The following FUT9 variants were observed in gnomAD, a reference collection of about 807,000 sequenced individuals.
The protein encoded by FUT9 is fucosyltransferase 9, also known as 4-galactosyl-N-acetylglucosaminide 3-alpha-L-fucosyltransferase 9.
Under a neutral mutation model 29.7 loss-of-function variants are expected in FUT9, and 15 were observed. That is an observed-to-expected ratio of 0.51 (90% CI 0.34 to 0.78). The LOEUF (loss-of-function observed/expected upper bound fraction) is 0.78, where lower values mean the gene tolerates loss of function less well. Ranked by LOEUF, FUT9 falls within the 30% of genes least tolerant of loss-of-function variation. The pLI, the probability that FUT9 is intolerant of heterozygous loss-of-function variation, is 0.01. For missense variants in FUT9, 319 were observed against 425.4 expected, an observed-to-expected ratio of 0.75 and a Z score of 2.20; for synonymous variants, 169 against 153.7, an observed-to-expected ratio of 1.10 and a Z score of -0.74.
intron 1 of FUT9, among the ~76,000 whole-genome samples, chr6:96,061,343 T>A: frequency 7.2e-6 from 1 of 139,858 alleles, no homozygotes; most frequent in South Asian, 2.3e-4. Flanking sequence ...ATTCTAATAA[T>A]CATAACATAT....
chr6:96,085,771 A>G (rs895634640), intron 1 of FUT9, among the ~76,000 whole-genome samples: 3 of 152,122 alleles, frequency 2.0e-5, no homozygotes, highest in African/African-American at 7.2e-5. Context: ...ATAGTTATAA[A>G]TTAATTCTAT....
rs764571510 is a variant in FUT9, at chr6:96,203,320, C to T, written c.165C>T (p.Ser55=). Residue 55 remains serine (S), a synonymous_variant, in exon 3 of 3, where the codon TCC becomes TCT. Coordinates refer to ENST00000302103, the MANE Select transcript of FUT9 (RefSeq NM_006581.4). ...SSVLKMKNFF[S]TKTDYFNETT... is the part of the protein sequence containing the mutation. ...TGCTGAAAATGAAAAACTTCTTTTC[C>T]ACCAAAACTGATTATTTTAATGAAA... 2 of 1,613,820 alleles carry T rather than the reference C, an allele frequency of 1.2e-6. No individual in the cohort carries two copies. Among genetic ancestry groups the T allele is most frequent in the Admixed American group, 3.3e-5 (2 of 59,968 alleles).
intron 2 of FUT9, among the ~76,000 whole-genome samples, chr6:96,190,615 C>CT (rs1773488780): frequency 6.6e-6 from 1 of 152,058 alleles, no homozygotes; most frequent in Non-Finnish European, 1.5e-5. Context: ...TCTTTTTATT[C>CT]TTTTTTCTCT....
At chr6:96,178,425 C>G (rs992991126) in intron 2 of FUT9, among the ~76,000 whole-genome samples, 1 of 152,072 alleles carries the variant, frequency 6.6e-6, no homozygotes, top group Non-Finnish European at 1.5e-5. Context: ...GATATTAGCA[C>G]TAATCGAAAT....
At chr6:96,134,915 G>C (rs1189728908) in intron 2 of FUT9, among the ~76,000 whole-genome samples, 1 of 151,622 alleles carries the variant, frequency 6.6e-6, no homozygotes, top group African/African-American at 2.4e-5. Flanking sequence ...ATTCTACTTT[G>C]CAGGACCAAC....
intron 2 of FUT9, among the ~76,000 whole-genome samples, chr6:96,160,352 C>G (rs1772873615): frequency 6.6e-6 from 1 of 152,156 alleles, no homozygotes. Flanking sequence ...AAAAATACCA[C>G]AGTTATGCTG....
chr6:96,056,492 C>T (rs1440992967), intron 1 of FUT9, among the ~76,000 whole-genome samples: 1 of 152,158 alleles, frequency 6.6e-6, no homozygotes, highest in Non-Finnish European at 1.5e-5. Flanking sequence ...CAGGAAGTTA[C>T]AAGACCTTTT....
chr6:96,203,648 C>G lies in FUT9; in HGVS notation c.493C>G (p.Gln165Glu), dbSNP rs371085883. ...GACTTACCGCCGTGATTCAGATATC[C>G]AAGTGCCTTATGGCTTCTTGACGGT... The part of the protein sequence containing the change: ...TLTYRRDSDI[Q>E]VPYGFLTVST... Residue 165 changes from glutamine to glutamate, a missense_variant, in exon 3 of 3, where the codon CAA (glutamine) becomes GAA (glutamate). Gln to Glu is a conservative substitution (Grantham distance 29). Coordinates refer to ENST00000302103, the MANE Select transcript of FUT9 (RefSeq NM_006581.4). 22 of 1,613,910 alleles carry G rather than the reference C, an allele frequency of 1.4e-5. No individual in the cohort carries two copies. Among genetic ancestry groups the G allele is most frequent in the Non-Finnish European group, 1.9e-5 (22 of 1,179,984 alleles).
At chr6:96,165,462 G>A (rs1211130517) in intron 2 of FUT9, among the ~76,000 whole-genome samples, 1 of 149,032 alleles carries the variant, frequency 6.7e-6, no homozygotes, top group Non-Finnish European at 1.5e-5. Flanking sequence ...ATTCACAATA[G>A]TCTTCAGTTA....
chr6:96,081,604 C>T (rs890631917), intron 1 of FUT9, among the ~76,000 whole-genome samples: 5 of 151,630 alleles, frequency 3.3e-5, no homozygotes, highest in African/African-American at 1.2e-4. Flanking sequence ...TCATTGTTGT[C>T]CTTCTGGATT....
In FUT9 at chr6:96,210,363, T is replaced by A. The variant is rs9386383; in HGVS notation, c.*6128T>A. ...ATAGTCTCCAGACACTTTTTCCAGT[T>A]GCGAGTTGCTTATAGTAGTTCGCGA... On this transcript the variant is annotated 3_prime_UTR_variant, in exon 3 of 3. Transcript: ENST00000302103. 1.2e-5 allele frequency: 2 copies of A among 167,068 alleles called. No individual in the cohort carries two copies. The highest frequency in any genetic ancestry group is 3.9e-4 in the East Asian group (2 of 5,180). 10.3% of individuals were successfully genotyped at this position (167,068 alleles called of 1,614,324 possible).
intron 1 of FUT9, among the ~76,000 whole-genome samples, chr6:96,095,179 A>T (rs1186393491): frequency 6.6e-6 from 1 of 152,164 alleles, no homozygotes; most frequent in Non-Finnish European, 1.5e-5. Flanking sequence ...CTAATGAGCT[A>T]TAATTTCATA....
chr6:96,159,500 T>C (rs1772856851), intron 2 of FUT9, among the ~76,000 whole-genome samples: 1 of 152,194 alleles, frequency 6.6e-6, no homozygotes, highest in Non-Finnish European at 1.5e-5. Flanking sequence ...CCTAGATGTC[T>C]GTAAAATGAT....
chr6:96,191,790 G>A (rs1184670569), intron 2 of FUT9, among the ~76,000 whole-genome samples: 1 of 152,006 alleles, frequency 6.6e-6, no homozygotes, highest in African/African-American at 2.4e-5. Context: ...GAACATCGAT[G>A]GAAAAATCCT....
intron 2 of FUT9, among the ~76,000 whole-genome samples, chr6:96,168,196 G>T (rs1773048432): frequency 6.6e-6 from 1 of 152,164 alleles, no homozygotes; most frequent in Admixed American, 6.5e-5. Flanking sequence ...GATTTTTCAT[G>T]AATTTGAGAT....
At chr6:96,032,386 T>C (rs1005322916) in intron 1 of FUT9, among the ~76,000 whole-genome samples, 4 of 151,626 alleles carry the variant, frequency 2.6e-5, no homozygotes, top group Non-Finnish European at 4.4e-5. Flanking sequence ...TCCAACCTTA[T>C]TCAGTCAGTA....
intron 2 of FUT9, among the ~76,000 whole-genome samples, chr6:96,152,613 C>T (rs1772698077): frequency 6.6e-6 from 1 of 152,140 alleles, no homozygotes; most frequent in Admixed American, 6.5e-5. Context: ...ACAATCTGCT[C>T]TCCAGCCCCT....
chr6:96,179,124 C>T (rs1407685436), intron 2 of FUT9, among the ~76,000 whole-genome samples: 1 of 152,086 alleles, frequency 6.6e-6, no homozygotes, highest in Non-Finnish European at 1.5e-5. Context: ...GTATAGTCAT[C>T]CCGTATTGTA....
chr6:96,191,543 T>A (rs1319134133), intron 2 of FUT9, among the ~76,000 whole-genome samples: 2 of 152,140 alleles, frequency 1.3e-5, no homozygotes, highest in African/African-American at 2.4e-5. Context: ...AGAAGTGGAA[T>A]ACCTGAATAG....
Sources: gnomAD v4.1 joint callset for allele counts (sites outside exome capture counted in the v4.1 genomes callset) on GRCh38, gnomAD v4.1.1 for gene constraint, MANE v1.5 for transcripts, NCBI Gene and HGNC (gene_info 2026-07-23, HGNC 2026-07-21) for gene names.